The following PAM variants were observed in gnomAD, a reference collection of about 807,000 sequenced individuals.
PAM encodes peptidylglycine alpha-amidating monooxygenase.
PAM carries 72 observed loss-of-function variants against 122.1 expected under a neutral mutation model. That is an observed-to-expected ratio of 0.59 (90% confidence interval 0.49 to 0.72). The LOEUF (loss-of-function observed/expected upper bound fraction) is 0.72. PAM is among the 30% of genes least tolerant of loss of function. The pLI is 0.00. For synonymous variants in PAM, 389 were observed against 404.4 expected, an observed-to-expected ratio of 0.96 and a Z score of 0.46; for missense variants, 1,106 against 1,183.7, an observed-to-expected ratio of 0.93 and a Z score of 0.96.
chr5:102,769,188 A>C (rs766539130), intron 1 of PAM, among the ~76,000 whole-genome samples: 2 of 151,762 alleles, frequency 1.3e-5, no homozygotes, highest in Non-Finnish European at 2.9e-5. Flanking sequence ...CCATTTTTTA[A>C]CTGGATTATC....
In PAM at chr5:102,989,830, A is replaced by AGATAGATAGATAGATG. The variant is rs1270248916; in HGVS notation, c.1484-435_1484-434insAGATAGATGGATAGAT. 2.6e-5 allele frequency: 4 copies of AGATAGATAGATAGATG among 152,288 alleles called. No homozygotes were observed. In the South Asian group the frequency reaches 6.2e-4, roughly 24 times the overall value. The allele number at this position is 152,288 out of a possible 1,614,324, so 9.4% of individuals were successfully genotyped here. Reference sequence around the variant, plus strand: ...TAGATAGATAGATAGATAGATAGATAGATAGATGAGGGAAAAGGACAGAGG... The same window carrying AGATAGATAGATAGATG: ...TAGATAGATAGATAGATAGATAGATAGATAGATAGATAGATGGATAGATGAGGGAAAAGGACAGAGG... On this transcript the variant is annotated intron_variant, in intron 15 of 25. Coordinates refer to ENST00000438793, the MANE Select transcript of PAM (RefSeq NM_001177306.2).
At chr5:102,861,063 C>G (rs1342171903) in intron 1 of PAM, among the ~76,000 whole-genome samples, 1 of 152,110 alleles carries the variant, frequency 6.6e-6, no homozygotes, top group East Asian at 1.9e-4. Flanking sequence ...CTCAAGTAGC[C>G]CGAGAGAGAA....
chr5:102,847,312 G>T (rs1390450160), intron 1 of PAM, among the ~76,000 whole-genome samples: 1 of 152,124 alleles, frequency 6.6e-6, no homozygotes. Context: ...GGTGACATGT[G>T]CCTATAATCC....
At position 102,926,640 on chromosome 5, in the gene PAM, A is replaced by G; in HGVS notation, c.498A>G (p.Val166=). ...ETGSKYFVLQ[V]HYGDISAFRD... The stretch of plus-strand genomic sequence containing the variant: ...GAAGTAAATACTTTGTACTACAGGT[A>G]CACTATGGGGATATTAGTGCTTTTA... Residue 166 remains valine, a synonymous_variant, in exon 7 of 26, where the codon GTA becomes GTG. Coordinates refer to ENST00000438793, the MANE Select transcript of PAM (RefSeq NM_001177306.2). The G allele has an allele frequency of 6.3e-7, 1 of 1,593,672 alleles. No individual in the cohort carries two copies. Among genetic ancestry groups the G allele is most frequent in the Non-Finnish European group, 8.6e-7 (1 of 1,161,498 alleles).
At chr5:102,786,320 G>C (rs1177991075) in intron 1 of PAM, among the ~76,000 whole-genome samples, 1 of 152,146 alleles carries the variant, frequency 6.6e-6, no homozygotes, top group African/African-American at 2.4e-5. Context: ...GGAGAAATTA[G>C]TATTATTCAT....
intron 16 of PAM, among the ~76,000 whole-genome samples, chr5:102,998,012 A>C (rs1040214651): frequency 9.9e-5 from 15 of 152,228 alleles, no homozygotes; most frequent in Non-Finnish European, 2.1e-4. Context: ...CTAATCTTAC[A>C]TGGCTGTCAG....
At chr5:102,817,652 GTAACAGCATTT>G (rs886272678) in intron 1 of PAM, among the ~76,000 whole-genome samples, 2 of 151,980 alleles carry the variant, frequency 1.3e-5, no homozygotes, top group East Asian at 1.9e-4. Flanking sequence ...TTAGATTTGT[GTAACAGCATTT>G]TAACTTGTCT....
At chr5:102,994,881 T>A (rs372913793) in intron 16 of PAM, among the ~76,000 whole-genome samples, 1 of 152,298 alleles carries the variant, frequency 6.6e-6, no homozygotes, top group African/African-American at 2.4e-5. Flanking sequence ...TCTTCATAGA[T>A]GATGTTTATA....
At chr5:102,970,811 CT>C (rs1321481248) in intron 14 of PAM, among the ~76,000 whole-genome samples, 17 of 151,184 alleles carry the variant, frequency 1.1e-4, no homozygotes, top group Non-Finnish European at 2.9e-5. Flanking sequence ...ATTTTTTTTA[CT>C]TATTTATTTT....
chr5:102,874,162 A>G (rs1788414254), intron 3 of PAM, among the ~76,000 whole-genome samples: 1 of 152,184 alleles, frequency 6.6e-6, no homozygotes, highest in South Asian at 2.1e-4. Context: ...TTGTTTATTT[A>G]GCTGTGACAC....
At chr5:102,938,939 G>T (rs977893172) in intron 7 of PAM, among the ~76,000 whole-genome samples, 1 of 152,016 alleles carries the variant, frequency 6.6e-6, no homozygotes, top group Non-Finnish European at 1.5e-5. Context: ...TGTTTATTAT[G>T]TTCTAGGAAT....
At chr5:102,781,881 A>C (rs1402364511) in intron 1 of PAM, among the ~76,000 whole-genome samples, 1 of 152,162 alleles carries the variant, frequency 6.6e-6, no homozygotes, top group East Asian at 1.9e-4. Context: ...TAACAACCCT[A>C]TGAAAACAGA....
At chr5:102,856,354 A>C (rs1011232203) in intron 1 of PAM, among the ~76,000 whole-genome samples, 1 of 152,178 alleles carries the variant, frequency 6.6e-6, no homozygotes, top group Non-Finnish European at 1.5e-5. Flanking sequence ...CCTGGTAGGC[A>C]AATTAGGATA....
At chr5:102,900,258 G>C (rs867571662) in intron 3 of PAM, among the ~76,000 whole-genome samples, 2 of 120,990 alleles carry the variant, frequency 1.7e-5, no homozygotes, top group African/African-American at 3.4e-5. Flanking sequence ...TGTGTGTGGG[G>C]GGGGGGCGGG....
rs548390658 is a variant in PAM, at chr5:102,755,752, G to C, written c.-374+404G>C. 9.2e-5 allele frequency among the ~76,000 whole-genome samples: 14 copies of C among 151,994 alleles called. No homozygotes were observed. In the South Asian group the frequency reaches 2.7e-3, roughly 29 times the overall value. On this transcript the variant is annotated intron_variant, in intron 1 of 25. Transcript: ENST00000438793. ...CCCAACTTGGAGAACTCTCCGTGACGCCTAGAAAGCCTCCTCGGTTCTCCG... is the reference window on the plus strand; with the variant it reads ...CCCAACTTGGAGAACTCTCCGTGACCCCTAGAAAGCCTCCTCGGTTCTCCG...
At chr5:102,775,322 G>T (rs1756865621) in intron 1 of PAM, among the ~76,000 whole-genome samples, 1 of 151,882 alleles carries the variant, frequency 6.6e-6, no homozygotes, top group Non-Finnish European at 1.5e-5. Context: ...TCTATTTTTA[G>T]AACTTTATTT....
rs1470793998 is a variant in PAM, at chr5:102,866,163, G to C, written c.-33G>C. The stretch of plus-strand genomic sequence containing the variant: ...CCCCAGCCCCGCGCTGCGCTGCCCG[G>C]TCCTCTCCCGGCGGGGTCGTATCGG... On this transcript the variant is annotated 5_prime_UTR_variant, in exon 2 of 26. Coordinates refer to ENST00000438793, the MANE Select transcript of PAM (RefSeq NM_001177306.2). The C allele has an allele frequency of 3.3e-6, 5 of 1,499,484 alleles. No individual in the cohort carries two copies. The highest frequency in any genetic ancestry group is 4.6e-6 in the Non-Finnish European group (5 of 1,079,236). The allele number at this position is 1,499,484 out of a possible 1,614,324, so 92.9% of individuals were successfully genotyped here.
chr5:102,962,268 AC>A (rs1762728808), intron 14 of PAM, among the ~76,000 whole-genome samples: 1 of 151,830 alleles, frequency 6.6e-6, no homozygotes, highest in South Asian at 2.1e-4. Flanking sequence ...TAACAAAGTG[AC>A]CTTCAAAAAA....
chr5:102,766,199 C>G (rs776351083), intron 1 of PAM, among the ~76,000 whole-genome samples: 22 of 152,102 alleles, frequency 1.4e-4, no homozygotes, highest in Admixed American at 1.0e-3. Flanking sequence ...TGGGGTGATT[C>G]AAGTGCATTA....
Sources: gnomAD v4.1 joint callset for allele counts (sites outside exome capture counted in the v4.1 genomes callset) on GRCh38, gnomAD v4.1.1 for gene constraint, MANE v1.5 for transcripts, NCBI Gene and HGNC (gene_info 2026-07-23, HGNC 2026-07-21) for gene names.